The following PPM1H variants were observed in gnomAD, a reference collection of about 807,000 sequenced individuals.
PPM1H encodes protein phosphatase, Mg2+/Mn2+ dependent 1H.
A neutral mutation model predicts 54.9 loss-of-function variants in PPM1H; 27 were observed. The ratio of observed to expected loss-of-function variants is 0.49; its 90% CI spans 0.36 to 0.68. PPM1H has a LOEUF of 0.68. Ranked by LOEUF, PPM1H falls within the 30% of genes least tolerant of loss-of-function variation. The probability of loss-of-function intolerance (pLI) is 0.00; values close to 1 mark genes in which losing one functional copy is unlikely to be tolerated. For missense variants in PPM1H, 596 were observed against 667.8 expected, an observed-to-expected ratio of 0.89 and a Z score of 1.19; for synonymous variants, 305 against 270.8, an observed-to-expected ratio of 1.13 and a Z score of -1.24.
rs2076256075 is a variant in PPM1H at position 62,720,200 on chromosome 12, C to T, written c.1044G>A (p.Met348Ile). 1.2e-6 allele frequency: 2 copies of T among 1,611,718 alleles called. No individual in the cohort carries two copies. The highest frequency in any genetic ancestry group is 2.2e-5 in the South Asian group (2 of 91,050). The change falls in exon 6 of 10, where the codon ATG (methionine) becomes ATA (isoleucine). Residue 348 changes from methionine (M) to isoleucine (I), a missense_variant. Met to Ile is a conservative substitution (Grantham distance 10). This residue lies in a region of PPM1H where 208 missense variants were observed against 259.5 expected (regional missense o/e 0.80). Coordinates refer to ENST00000228705, the MANE Select transcript of PPM1H (RefSeq NM_020700.2). ...RVQRKELGKK[M>I]LYRDFNMTGW... is the part of the protein sequence containing the mutation. Reference sequence around the variant, plus strand: ...CTGTCATATTAAAGTCCCTGTAGAGCATCTTCTTTCCAAGCTCCTTTCTCT... The same window carrying T: ...CTGTCATATTAAAGTCCCTGTAGAGTATCTTCTTTCCAAGCTCCTTTCTCT...
intron 1 of PPM1H, among the ~76,000 whole-genome samples, chr12:62,836,153 G>A (rs1868497925): frequency 6.6e-6 from 1 of 152,170 alleles, no homozygotes; most frequent in Admixed American, 6.5e-5. Flanking sequence ...TTATTTTGAA[G>A]GCTTTAAAGA....
At chr12:62,663,837 C>G (rs531522500) in intron 9 of PPM1H, among the ~76,000 whole-genome samples, 10 of 152,048 alleles carry the variant, frequency 6.6e-5, no homozygotes, top group African/African-American at 2.4e-4. Flanking sequence ...ACTAAAAATA[C>G]AAAATTAGCT....
intron 1 of PPM1H, among the ~76,000 whole-genome samples, chr12:62,930,161 G>C (rs1872089243): frequency 6.6e-6 from 1 of 152,168 alleles, no homozygotes; most frequent in Non-Finnish European, 1.5e-5. Flanking sequence ...ACAGCCTGCA[G>C]AGTCCAAAAC....
intron 6 of PPM1H, among the ~76,000 whole-genome samples, chr12:62,695,175 C>A (rs973473659): frequency 2.0e-5 from 3 of 152,046 alleles, no homozygotes; most frequent in African/African-American, 7.3e-5. Flanking sequence ...AAGCATGCAA[C>A]CCCAAAGTTA....
intron 2 of PPM1H, among the ~76,000 whole-genome samples, chr12:62,822,326 T>C (rs1003497361): frequency 2.6e-5 from 4 of 152,156 alleles, no homozygotes; most frequent in Non-Finnish European, 5.9e-5. Context: ...AACACCCCAC[T>C]GTCAATATTA....
At chr12:62,752,568 T>C (rs1690708114) in intron 4 of PPM1H, among the ~76,000 whole-genome samples, 1 of 152,208 alleles carries the variant, frequency 6.6e-6, no homozygotes, top group Admixed American at 6.5e-5. Context: ...CTTTGAAACC[T>C]CACTCTGTTC....
At chr12:62,782,002 G>A (rs1168321741) in intron 4 of PPM1H, among the ~76,000 whole-genome samples, 1 of 152,220 alleles carries the variant, frequency 6.6e-6, no homozygotes, top group Admixed American at 6.5e-5. Flanking sequence ...TCACAGTGGA[G>A]AAGAGTTGTT....
chr12:62,932,527 G>T (rs1872172225), intron 1 of PPM1H, among the ~76,000 whole-genome samples: 1 of 151,760 alleles, frequency 6.6e-6, no homozygotes, highest in Non-Finnish European at 1.5e-5. Context: ...ACTGGAGTGG[G>T]GACAGATCTC....
intron 3 of PPM1H, among the ~76,000 whole-genome samples, chr12:62,800,768 A>G (rs895958967): frequency 6.6e-6 from 1 of 152,232 alleles, no homozygotes; most frequent in Non-Finnish European, 1.5e-5. Context: ...TAAAACCAAA[A>G]TAATTGGCTT....
intron 1 of PPM1H, among the ~76,000 whole-genome samples, chr12:62,892,654 C>T (rs892900360): frequency 2.0e-5 from 3 of 152,106 alleles, no homozygotes; most frequent in Non-Finnish European, 1.5e-5. Context: ...TATGTGTTTA[C>T]CAACAGTATA....
rs759766780 is a variant in PPM1H at position 62,911,916 on chromosome 12, G to GT, written c.245+22575dup. The stretch of plus-strand genomic sequence containing the variant: ...ACACCCCTTATCGCCTGATCCTTAG[G>GT]TTGCTTATCTCCTTTGCTAGATTTA... On this transcript the variant is annotated intron_variant, in intron 1 of 9. Transcript: ENST00000228705. Among the ~76,000 whole-genome samples, 7 of 152,252 alleles carry GT rather than the reference G, an allele frequency of 4.6e-5. No homozygotes were observed. The South Asian group carries it at 1.0e-3, about 23-fold the overall frequency.
chr12:62,766,070 G>A (rs906072506), intron 4 of PPM1H, among the ~76,000 whole-genome samples: 2 of 152,192 alleles, frequency 1.3e-5, no homozygotes, highest in African/African-American at 4.8e-5. Flanking sequence ...GCCGTGTAAG[G>A]GGCCCAGGTG....
intron 6 of PPM1H, among the ~76,000 whole-genome samples, chr12:62,704,531 T>C (rs960303554): frequency 5.3e-5 from 8 of 152,222 alleles, no homozygotes; most frequent in Non-Finnish European, 1.0e-4. Flanking sequence ...CTTTGGTCCT[T>C]GGAGTGTTCT....
At chr12:62,718,499 C>T (rs1319180227) in intron 6 of PPM1H, among the ~76,000 whole-genome samples, 2 of 152,130 alleles carry the variant, frequency 1.3e-5, no homozygotes, top group African/African-American at 4.8e-5. Context: ...CCATAGCCTC[C>T]CAGTAAATCT....
At chr12:62,852,382 G>A (rs1869228743) in intron 1 of PPM1H, among the ~76,000 whole-genome samples, 2 of 152,192 alleles carry the variant, frequency 1.3e-5, no homozygotes, top group Admixed American at 1.3e-4. Context: ...CAAGAAGGTG[G>A]CAGTCTATAA....
chr12:62,805,405 G>T lies in PPM1H; in HGVS notation c.412-3245C>A, dbSNP rs578198934. Among the ~76,000 whole-genome samples the T allele has an allele frequency of 2.3e-3, 346 of 152,298 alleles. 1 individual carries two copies. Among genetic ancestry groups the T allele is most frequent in the Middle Eastern group, 6.8e-3 (2 of 294 alleles). ...CAGTATCTATAGCCCAACGTTCATT[G>T]CAGCATTATTCACAACAGCCAAGAC... On this transcript the variant is annotated intron_variant, in intron 2 of 9. Transcript: ENST00000228705.
intron 4 of PPM1H, chr12:62,756,003 G>A: frequency 7.3e-7 from 1 of 1,378,804 alleles, no homozygotes; most frequent in Non-Finnish European, 1.0e-6. Context: ...ATGACATCAA[G>A]AAGGTGGTGA....
Position 62,759,262 on chromosome 12 carries a change from C to T in PPM1H, c.870-21676G>A, listed in dbSNP as rs138816192. Among the ~76,000 whole-genome samples the T allele has an allele frequency of 4.0e-3, 602 of 152,318 alleles. 6 individuals are homozygous for T. Among genetic ancestry groups the T allele is most frequent in the African/African-American group, 0.014 (579 of 41,576 alleles). ...TCGGGAGACCAGTCCCCTGTCCTCACCTCACTCTCACTCCATGAAGAGATC... is the reference window on the plus strand; with the variant it reads ...TCGGGAGACCAGTCCCCTGTCCTCATCTCACTCTCACTCCATGAAGAGATC... On this transcript the variant is annotated intron_variant, in intron 4 of 9. Coordinates refer to ENST00000228705, the MANE Select transcript of PPM1H (RefSeq NM_020700.2).
intron 1 of PPM1H, among the ~76,000 whole-genome samples, chr12:62,845,363 C>T (rs1868924075): frequency 6.6e-6 from 1 of 152,208 alleles, no homozygotes; most frequent in Non-Finnish European, 1.5e-5. Context: ...ACTGTTGAGC[C>T]TATACCTCCA....
Sources: gnomAD v4.1 joint callset for allele counts (sites outside exome capture counted in the v4.1 genomes callset) on GRCh38, gnomAD v4.1.1 for gene constraint, gnomAD v4.1.1 regional missense constraint, MANE v1.5 for transcripts, NCBI Gene and HGNC (gene_info 2026-07-23, HGNC 2026-07-21) for gene names.